Variants in ADGRV1 observed in about 807,000 individuals in gnomAD.
ADGRV1 encodes G-protein coupled receptor 98.
In ADGRV1, 359 loss-of-function variants were observed where a neutral mutation model predicts 596.2. The observed-to-expected ratio is 0.60, with a 90% CI of 0.55 to 0.66. The LOEUF is 0.66. Ranked by LOEUF, ADGRV1 falls within the 30% of genes least tolerant of loss-of-function variation. ADGRV1 has a pLI of 0.00. For missense variants in ADGRV1, 7,274 were observed against 7,575.6 expected (o/e 0.96, Z 1.48); for synonymous variants, 2,681 against 2,679.2 (o/e 1.00, Z -0.02).
At chr5:91,158,672 C>G (rs1250931899) in intron 89 of ADGRV1, among the ~76,000 whole-genome samples, 2 of 152,154 alleles carry the variant, frequency 1.3e-5, no homozygotes, top group African/African-American at 2.4e-5. Flanking sequence ...CCATCCAATG[C>G]AAATTCCACA....
intron 83 of ADGRV1, among the ~76,000 whole-genome samples, chr5:90,938,444 G>C (rs1042400337): frequency 1.3e-5 from 2 of 152,094 alleles, no homozygotes; most frequent in Non-Finnish European, 2.9e-5. Flanking sequence ...GTTTTTTGGA[G>C]GGAAAAGATA....
chr5:90,934,386 T>G (rs1775504484), intron 83 of ADGRV1, among the ~76,000 whole-genome samples: 1 of 152,150 alleles, frequency 6.6e-6, no homozygotes, highest in African/African-American at 2.4e-5. Flanking sequence ...AAAACCTTGG[T>G]TATTTCGGAA....
chr5:90,854,326 C>T (rs1163181733), intron 81 of ADGRV1, 125 bp downstream of exon 81: 2 of 627,618 alleles, frequency 3.2e-6, no homozygotes, highest in Middle Eastern at 3.9e-4. Context: ...AAATAACCTC[C>T]ACAATAAATA....
chr5:90,985,268 T>C, intron 84 of ADGRV1, 76 bp from the exon 85 acceptor site: 2 of 1,035,906 alleles, frequency 1.9e-6, no homozygotes, highest in Non-Finnish European at 2.7e-6. Context: ...GTCGGTAACA[T>C]TGCCTAAGCC....
intron 87 of ADGRV1, among the ~76,000 whole-genome samples, chr5:91,112,720 C>G (rs1309600658): frequency 6.6e-6 from 1 of 152,024 alleles, no homozygotes; most frequent in Non-Finnish European, 1.5e-5. Context: ...ATATTTTACA[C>G]CAACATTTTG....
intron 52 of ADGRV1, among the ~76,000 whole-genome samples, chr5:90,749,396 G>A (rs2149938481): frequency 6.6e-6 from 1 of 152,256 alleles, no homozygotes; most frequent in East Asian, 1.9e-4. Context: ...AAAAGGCATT[G>A]TCTTTTGTGA....
chr5:90,652,949 A>G (rs1387832586), intron 19 of ADGRV1, among the ~76,000 whole-genome samples: 2 of 152,172 alleles, frequency 1.3e-5, no homozygotes, highest in Non-Finnish European at 1.5e-5. Context: ...TTTGGTTTTA[A>G]AAAGCACAGA....
rs571575914 is a variant in ADGRV1, at chr5:90,561,563, G to A, written c.22+2646G>A. Among the ~76,000 whole-genome samples, 14 of 152,278 alleles carry A rather than the reference G, an allele frequency of 9.2e-5. No homozygotes were observed. The South Asian group carries it at 2.9e-3, about 32-fold the overall frequency. ...CCAATTAGGATGCAAAATCCTTGAA[G>A]ACAGTGATTGTATTATATATTTCTC... On this transcript the variant is annotated intron_variant, in intron 1 of 89. Transcript: ENST00000405460.
chr5:90,825,378 A>G (rs987260022), intron 76 of ADGRV1, among the ~76,000 whole-genome samples: 8 of 152,214 alleles, frequency 5.3e-5, no homozygotes, highest in Non-Finnish European at 1.2e-4. Context: ...ATTATCAGTT[A>G]TATGCAGTGT....
intron 83 of ADGRV1, among the ~76,000 whole-genome samples, chr5:90,943,487 C>T (rs1460917576): frequency 2.0e-5 from 3 of 152,110 alleles, no homozygotes; most frequent in Non-Finnish European, 4.4e-5. Flanking sequence ...CTGACCCTCA[C>T]CTTCTTGTCC....
chr5:90,843,176 C>T (rs1765580674), intron 78 of ADGRV1, among the ~76,000 whole-genome samples: 1 of 151,866 alleles, frequency 6.6e-6, no homozygotes, highest in Admixed American at 6.6e-5. Context: ...CTAAAGTTTA[C>T]CTGGAAATGT....
intron 85 of ADGRV1, among the ~76,000 whole-genome samples, chr5:90,992,776 C>T (rs1296841335): frequency 3.3e-5 from 5 of 152,166 alleles, no homozygotes; most frequent in African/African-American, 4.8e-5. Context: ...CCAAGCTAAA[C>T]ATTTCTGATT....
intron 1 of ADGRV1, among the ~76,000 whole-genome samples, chr5:90,570,466 A>T (rs752315029): frequency 4.6e-5 from 7 of 152,062 alleles, no homozygotes; most frequent in Non-Finnish European, 1.5e-5. Flanking sequence ...AATGTTTTTA[A>T]ATCAGATTTG....
chr5:90,800,229 C>G (rs1761207190), intron 70 of ADGRV1, among the ~76,000 whole-genome samples: 1 of 151,936 alleles, frequency 6.6e-6, no homozygotes, highest in Admixed American at 6.5e-5. Context: ...AACAAATTTA[C>G]AAGAAAAAAA....
chr5:91,000,750 G>A (rs1781794515), intron 85 of ADGRV1, among the ~76,000 whole-genome samples: 1 of 151,066 alleles, frequency 6.6e-6, no homozygotes, highest in South Asian at 2.1e-4. Context: ...CACTGTCATG[G>A]AGGCCAGCTC....
In ADGRV1 at chr5:90,658,173, T is replaced by C; in HGVS notation, c.4647T>C (p.Tyr1549=). The C allele has an allele frequency of 6.3e-7, 1 of 1,598,224 alleles. No individual in the cohort carries two copies. Among genetic ancestry groups the C allele is most frequent in the African/African-American group, 1.3e-5 (1 of 74,506 alleles). The part of the protein sequence containing the change: ...ELFILKLVSV[Y]GGARISEENT... ...TCATTCTTAAACTAGTTTCTGTATA[T>C]GGAGGAGCTCGTATTTCGGAAGAAA... Residue 1549 remains tyrosine (Y), a synonymous_variant, in exon 21 of 90, where the codon TAT becomes TAC. Coordinates refer to ENST00000405460, the MANE Select transcript of ADGRV1 (RefSeq NM_032119.4).
chr5:90,938,885 G>A (rs1775937957), intron 83 of ADGRV1, among the ~76,000 whole-genome samples: 1 of 152,124 alleles, frequency 6.6e-6, no homozygotes, highest in African/African-American at 2.4e-5. Flanking sequence ...GTATATCTAG[G>A]GGAAGCCACT....
At chr5:90,684,882 A>T (rs1417425058) in intron 28 of ADGRV1, among the ~76,000 whole-genome samples, 2 of 152,176 alleles carry the variant, frequency 1.3e-5, no homozygotes, top group Admixed American at 1.3e-4. Context: ...TTTGTCAGGG[A>T]AGAAGGCGAA....
In ADGRV1 at chr5:91,052,527, C is replaced by T. The variant is rs555792256; in HGVS notation, c.18153-19920C>T. On this transcript the variant is annotated intron_variant, in intron 85 of 89. Coordinates refer to ENST00000405460, the MANE Select transcript of ADGRV1 (RefSeq NM_032119.4). ...TCAGCTCACTGCAGCCTCCACCTCCCGGGCTCAAATGATTATCGTGCCTCA... is the reference window on the plus strand; with the variant it reads ...TCAGCTCACTGCAGCCTCCACCTCCTGGGCTCAAATGATTATCGTGCCTCA... Among the ~76,000 whole-genome samples, 33 of 151,968 alleles carry T rather than the reference C, an allele frequency of 2.2e-4. 1 individual carries two copies. The East Asian group carries it at 5.0e-3, about 23-fold the overall frequency.
Sources: allele counts gnomAD v4.1 joint callset (sites outside exome capture counted in the v4.1 genomes callset), GRCh38; gene constraint gnomAD v4.1.1; transcripts MANE v1.5; gene names NCBI Gene and HGNC (gene_info 2026-07-23, HGNC 2026-07-21).